RAD51AP2: variants seen among roughly 807,000 people sequenced by gnomAD.
RAD51AP2 encodes RAD51-associated protein 2.
A neutral mutation model predicts 85.5 loss-of-function variants in RAD51AP2; 67 were observed. The ratio of observed to expected loss-of-function variants is 0.78; its 90% CI spans 0.64 to 0.96. The LOEUF (loss-of-function observed/expected upper bound fraction) is 0.96, where lower values mean the gene tolerates loss of function less well. RAD51AP2 is among the 40% of genes least tolerant of loss of function. The pLI is 0.00. For synonymous variants in RAD51AP2, 474 were observed against 446.5 expected, an observed-to-expected ratio of 1.06 and a Z score of -0.78; for missense variants, 1,307 against 1,332.4, an observed-to-expected ratio of 0.98 and a Z score of 0.30.
rs929324356 is a variant in RAD51AP2 at position 17,515,256 on chromosome 2, G to A, written c.3160C>T (p.Pro1054Ser). 2.5e-6 allele frequency: 4 copies of A among 1,613,040 alleles called. No homozygotes were observed. In the Admixed American group the frequency reaches 6.7e-5, roughly 27 times the overall value. ...GGAACTTCCTGTTCTCCATTATTGG[G>A]TACAGTTTTCCATTTAAATAAACTT... ...HQSLFKWKTV[P>S]NNGEQEVPNE... Residue 1054 changes from proline (P) to serine (S), a missense_variant, in exon 1 of 3, where the codon CCC becomes TCC. Coordinates refer to ENST00000399080, the MANE Select transcript of RAD51AP2 (RefSeq NM_001099218.3).
At chr2:17,513,985 T>C in intron 2 of RAD51AP2, 27 bp downstream of exon 2, 1 of 1,166,288 alleles carries the variant, frequency 8.6e-7, no homozygotes, top group Non-Finnish European at 1.3e-6. Flanking sequence ...TCTTAGAAGT[T>C]ATCCTAAAAA....
chr2:17,520,312 TG>T (rs750703121), upstream of RAD51AP2, among the ~76,000 whole-genome samples: 5 of 152,174 alleles, frequency 3.3e-5, no homozygotes, highest in Non-Finnish European at 7.4e-5. Context: ...TTTTTTCCTT[TG>T]TTTTTTTAAA....
chr2:17,530,562 G>A, the RAD51AP2 span, among the ~76,000 whole-genome samples: 2 of 121,542 alleles, frequency 1.6e-5, no homozygotes, highest in African/African-American at 7.0e-5. Context: ...TCCAGCCTGG[G>A]AAATAGAGTC....
Position 17,517,187 on chromosome 2 carries a change from C to T in RAD51AP2, c.1229G>A (p.Cys410Tyr), listed in dbSNP as rs754022293. Residue 410 changes from cysteine (C) to tyrosine (Y), a missense_variant, in exon 1 of 3, where the codon TGT (cysteine) becomes TAT (tyrosine). Cys to Tyr is a radical substitution (Grantham distance 194, BLOSUM62 -2). Coordinates refer to ENST00000399080, the MANE Select transcript of RAD51AP2 (RefSeq NM_001099218.3). ...RHILRRNRGN[C>Y]WIINNCKTKC... ...AGTCTTGCAATTATTTATAATCCAA[C>T]AATTTCCTCTATTTCTTCTCAAAAT... is the stretch of plus-strand genomic sequence containing the variant. 1.2e-6 allele frequency: 2 copies of T among 1,610,654 alleles called. No individual in the cohort carries two copies. Among genetic ancestry groups the T allele is most frequent in the Non-Finnish European group, 1.7e-6 (2 of 1,179,082 alleles).
Position 17,515,165 on chromosome 2 carries a change from A to G in RAD51AP2, c.3247+4T>C. 6.4e-7 allele frequency: 1 copy of G among 1,550,538 alleles called. No homozygotes were observed. Among genetic ancestry groups the G allele is most frequent in the Non-Finnish European group, 8.7e-7 (1 of 1,154,558 alleles). On this transcript the variant is annotated splice_donor_region_variant and intron_variant, in intron 1 of 2. Coordinates refer to ENST00000399080, the MANE Select transcript of RAD51AP2 (RefSeq NM_001099218.3). Reference sequence around the variant, plus strand: ...GAAATAATGTTCTAAAATGAATTTCATACCTTTCTCAGAAGTAGAGTAAAG... The same window carrying G: ...GAAATAATGTTCTAAAATGAATTTCGTACCTTTCTCAGAAGTAGAGTAAAG...
Position 17,516,354 on chromosome 2 carries a change from T to G in RAD51AP2, c.2062A>C (p.Ile688Leu), listed in dbSNP as rs1184244712. Residue 688 changes from isoleucine to leucine, a missense_variant, in exon 1 of 3, where the codon ATT (isoleucine) becomes CTT (leucine). This residue lies in a region of RAD51AP2 where 668 missense variants were observed against 671.0 expected (regional missense o/e 1.00). Transcript: ENST00000399080. The stretch of plus-strand genomic sequence containing the variant: ...TCATCAAAGTCCATTAAAAGGGGAA[T>G]TTTTTCATATGTTTCAAAAATCGGA... ...GFPIFETYEK[I>L]PLLMDFDDMD... The G allele has an allele frequency of 1.2e-6, 2 of 1,611,942 alleles. No homozygotes were observed. Among genetic ancestry groups the G allele is most frequent in the South Asian group, 1.1e-5 (1 of 90,282 alleles).
chr2:17,527,399 C>A, the RAD51AP2 span, among the ~76,000 whole-genome samples: 1 of 152,000 alleles, frequency 6.6e-6, no homozygotes, highest in Non-Finnish European at 1.5e-5. Flanking sequence ...ACAGACAAGA[C>A]AATATTTGTG....
At chr2:17,526,038 T>C in the RAD51AP2 span, among the ~76,000 whole-genome samples, 157 of 151,964 alleles carry the variant, frequency 1.0e-3, no homozygotes, top group Non-Finnish European at 1.7e-3. Flanking sequence ...AAAATGAACA[T>C]ATATTTCCAA....
At chr2:17,524,940 G>A in the RAD51AP2 span, among the ~76,000 whole-genome samples, 1 of 151,904 alleles carries the variant, frequency 6.6e-6, no homozygotes, top group Non-Finnish European at 1.5e-5. Context: ...GAAGCCTCAG[G>A]AGAGTAGTTT....
chr2:17,530,178 T>G, the RAD51AP2 span, among the ~76,000 whole-genome samples: 1 of 152,196 alleles, frequency 6.6e-6, no homozygotes. Flanking sequence ...TTATTCATAC[T>G]ATTTGAATAA....
At position 17,516,824 on chromosome 2, in the gene RAD51AP2, G is replaced by A. The variant is rs62130403; in HGVS notation, c.1592C>T (p.Thr531Ile). 44,292 of 1,544,070 alleles carry A rather than the reference G, an allele frequency of 0.029. 741 individuals carry two copies. Among genetic ancestry groups the A allele is most frequent in the Middle Eastern group, 0.04 (231 of 5,722 alleles). The part of the protein sequence containing the change: ...SGNKKDNSIL[T>I]CCNILKCKKQ... ...TTTACACTTCAAAATGTTACAGCAG[G>A]TTAAAATACTATTATCTTTTTTATT... The change falls in exon 1 of 3, where the codon ACC (threonine) becomes ATC (isoleucine). Residue 531 changes from threonine (T) to isoleucine (I), a missense_variant. This residue lies in a region of RAD51AP2 where 635 missense variants were observed against 643.6 expected (regional missense o/e 0.99). Coordinates refer to ENST00000399080, the MANE Select transcript of RAD51AP2 (RefSeq NM_001099218.3).
At chr2:17,531,237 A>G in the RAD51AP2 span, among the ~76,000 whole-genome samples, 1 of 152,230 alleles carries the variant, frequency 6.6e-6, no homozygotes, top group African/African-American at 2.4e-5. Context: ...CTCATAGGCA[A>G]TAATATGGCC....
At chr2:17,531,210 T>C in the RAD51AP2 span, among the ~76,000 whole-genome samples, 1 of 152,202 alleles carries the variant, frequency 6.6e-6, no homozygotes, top group Non-Finnish European at 1.5e-5. Flanking sequence ...TGTTGTTATT[T>C]ATCATCTCAT....
the RAD51AP2 span, among the ~76,000 whole-genome samples, chr2:17,532,149 C>A: frequency 6.6e-6 from 1 of 152,146 alleles, no homozygotes; most frequent in East Asian, 1.9e-4. Flanking sequence ...TATTTAAATG[C>A]AGTTGTCCTC....
In RAD51AP2 at chr2:17,515,214, G is replaced by A. The variant is rs765160130; in HGVS notation, c.3202C>T (p.Pro1068Ser). 6 of 1,601,680 alleles carry A rather than the reference G, an allele frequency of 3.7e-6. No individual in the cohort carries two copies. In the Admixed American group the frequency reaches 1.0e-4, roughly 28 times the overall value. Residue 1068 changes from proline (P) to serine (S), a missense_variant, in exon 1 of 3, where the codon CCA (proline) becomes TCA (serine). Pro to Ser is a moderately conservative substitution (Grantham distance 74). This residue lies in a region of RAD51AP2 where 668 missense variants were observed against 671.0 expected (regional missense o/e 1.00). Transcript: ENST00000399080. ...AGTAATTCTTCCTCTGATCTACTTG[G>A]ATAACAACTCTCATTAGGAACTTCC... is the stretch of plus-strand genomic sequence containing the variant. ...EQEVPNESCYPSRSEEELLYS... is the reference protein window; with the variant it reads ...EQEVPNESCYSSRSEEELLYS...
At position 17,514,044 on chromosome 2, in the gene RAD51AP2, C is replaced by T; in HGVS notation, c.3296G>A (p.Cys1099Tyr). ...CAATAAATAATTAAATTCTTCTTTA[C>T]ATTCATCAGGGAGAAAAGCAGGTCT... ...PKRPAFLPDE[C>Y]KEEFNYLLRG... The change falls in exon 2 of 3, where the codon TGT (cysteine) becomes TAT (tyrosine). Residue 1099 changes from cysteine (C) to tyrosine (Y), a missense_variant. Coordinates refer to ENST00000399080, the MANE Select transcript of RAD51AP2 (RefSeq NM_001099218.3). The T allele has an allele frequency of 1.3e-6, 2 of 1,584,778 alleles. No homozygotes were observed. Among genetic ancestry groups the T allele is most frequent in the Non-Finnish European group, 1.7e-6 (2 of 1,155,126 alleles).
Position 17,517,139 on chromosome 2 carries a change from G to C in RAD51AP2, c.1277C>G (p.Thr426Ser), listed in dbSNP as rs1662705335. The C allele has an allele frequency of 1.2e-6, 2 of 1,609,040 alleles. No individual in the cohort carries two copies. The highest frequency in any genetic ancestry group is 1.7e-6 in the Non-Finnish European group (2 of 1,178,254). ...TAATAGCCAATTCCATTTTTCTTCAGTTTTTTTCATATTTTCACATTTAGT... is the reference window on the plus strand; with the variant it reads ...TAATAGCCAATTCCATTTTTCTTCACTTTTTTTCATATTTTCACATTTAGT... ...CKTKCENMKK[T>S]EEKWNWLLLL... is the part of the protein sequence containing the mutation. Residue 426 changes from threonine (T) to serine (S), a missense_variant, in exon 1 of 3, where the codon ACT (threonine) becomes AGT (serine). Around this residue, in one of 3 missense-constraint regions of RAD51AP2, gnomAD observed 635 missense variants for 643.6 expected, o/e 0.99. Transcript: ENST00000399080.
the RAD51AP2 span, among the ~76,000 whole-genome samples, chr2:17,526,184 C>T: frequency 6.6e-6 from 1 of 151,534 alleles, no homozygotes; most frequent in African/African-American, 2.4e-5. Context: ...AAAAGTAAAG[C>T]ATAAAAAGAC....
upstream of RAD51AP2, among the ~76,000 whole-genome samples, chr2:17,522,898 T>G (rs1662886632): frequency 6.6e-6 from 1 of 151,986 alleles, no homozygotes; most frequent in African/African-American, 2.4e-5. Context: ...TTCAAGGAAT[T>G]ACATATATTG....
Sources: allele counts gnomAD v4.1 joint callset (sites outside exome capture counted in the v4.1 genomes callset), GRCh38; gene constraint gnomAD v4.1.1; regional missense constraint gnomAD v4.1.1; transcripts MANE v1.5; gene names NCBI Gene and HGNC (gene_info 2026-07-23, HGNC 2026-07-21).